The following RBFOX1 variants were observed in gnomAD, a reference collection of about 807,000 sequenced individuals.
The protein encoded by RBFOX1 is RNA binding protein fox-1 homolog 1.
RBFOX1 carries 8 observed loss-of-function variants against 57.7 expected under a neutral mutation model. The observed-to-expected ratio is 0.14, with a 90% CI of 0.08 to 0.25. The LOEUF (loss-of-function observed/expected upper bound fraction) is 0.25, where lower values mean the gene tolerates loss of function less well. Among genes scored for constraint, RBFOX1 ranks in the 10% least tolerant of loss-of-function variants. The pLI, the probability that RBFOX1 is intolerant of heterozygous loss-of-function variation, is 1.00. For synonymous variants in RBFOX1, 326 were observed against 222.4 expected, an observed-to-expected ratio of 1.47 and a Z score of -4.15; for missense variants, 611 against 548.5, an observed-to-expected ratio of 1.11 and a Z score of -1.14.
intron 4 of RBFOX1, among the ~76,000 whole-genome samples, chr16:5,963,011 G>C (rs1261305398): frequency 6.6e-6 from 1 of 152,098 alleles, no homozygotes. Flanking sequence ...AACTTAATAA[G>C]ATAGAATGGC....
At chr16:5,789,739 A>C (rs2054625294) in intron 3 of RBFOX1, among the ~76,000 whole-genome samples, 1 of 152,196 alleles carries the variant, frequency 6.6e-6, no homozygotes, top group South Asian at 2.1e-4. Context: ...ATCTGCCATA[A>C]GTTCCCAGGC....
At chr16:6,495,110 T>A (rs1471537009) in intron 2 of RBFOX1, among the ~76,000 whole-genome samples, 1 of 151,990 alleles carries the variant, frequency 6.6e-6, no homozygotes, top group Middle Eastern at 3.2e-3. Context: ...CCGCTTTCTT[T>A]TGTTTGTTTA....
intron 5 of RBFOX1, among the ~76,000 whole-genome samples, chr16:7,547,596 G>C (rs1567769334): frequency 6.6e-6 from 1 of 152,150 alleles, no homozygotes; most frequent in African/African-American, 2.4e-5. Context: ...CCACACTGCT[G>C]GCAGTGTTAG....
intron 5 of RBFOX1, among the ~76,000 whole-genome samples, chr16:7,567,651 C>CTA (rs200824101): frequency 0.22 from 13,136 of 58,974 alleles, 1,501 homozygotes; most frequent in East Asian, 0.42. Context: ...ATATATGGCC[C>CTA]TATATATATA....
intron 3 of RBFOX1, among the ~76,000 whole-genome samples, chr16:7,005,158 G>T (rs375585158): frequency 6.6e-6 from 1 of 150,898 alleles, no homozygotes; most frequent in Non-Finnish European, 1.5e-5. Flanking sequence ...AACAAAAAAC[G>T]AAAAAAAACC....
Position 7,021,074 on chromosome 16 carries a change from G to T in RBFOX1, c.-15-30983G>T, listed in dbSNP as rs377615558. 4.4e-4 allele frequency among the ~76,000 whole-genome samples: 67 copies of T among 152,262 alleles called. 1 individual carries two copies. The South Asian group carries it at 0.011, about 26-fold the overall frequency. ...ACCTGGGAGGCAGAGGCTGCAGTGA[G>T]CCCAGGTCGTGCTACTGCACTCCAG... On this transcript the variant is annotated intron_variant, in intron 3 of 15. Transcript: ENST00000550418.
chr16:7,453,632 G>A (rs1001785534), intron 4 of RBFOX1, among the ~76,000 whole-genome samples: 6 of 152,042 alleles, frequency 3.9e-5, no homozygotes, highest in Admixed American at 6.5e-5. Context: ...ATGTTAAAGC[G>A]TGTATAGAGG....
intron 1 of RBFOX1, chr16:6,039,050 A>T (rs2095407264): frequency 6.6e-6 from 1 of 151,548 alleles, no homozygotes; most frequent in Non-Finnish European, 1.5e-5. Flanking sequence ...AAAATTAAAA[A>T]TGCTGAATCC....
chr16:5,883,461 T>A (rs563662449), intron 4 of RBFOX1, among the ~76,000 whole-genome samples: 3 of 152,002 alleles, frequency 2.0e-5, no homozygotes, highest in Admixed American at 6.6e-5. Flanking sequence ...TAGCATTGCA[T>A]CTTACCATAT....
intron 3 of RBFOX1, among the ~76,000 whole-genome samples, chr16:5,668,158 A>G (rs1238740391): frequency 6.6e-6 from 1 of 152,140 alleles, no homozygotes; most frequent in East Asian, 1.9e-4. Flanking sequence ...GCATGTGCCC[A>G]TAGTCCTAGC....
chr16:6,969,772 T>C (rs2085109534), intron 3 of RBFOX1, among the ~76,000 whole-genome samples: 1 of 151,862 alleles, frequency 6.6e-6, no homozygotes. Context: ...TAACGTATCT[T>C]AATTGCTGAG....
intron 2 of RBFOX1, among the ~76,000 whole-genome samples, chr16:6,431,600 A>G (rs1308357015): frequency 6.6e-6 from 1 of 152,024 alleles, no homozygotes. Flanking sequence ...GAGTACAAAG[A>G]TGATGCTGGG....
At chr16:5,540,566 T>A (rs4482285) in intron 2 of RBFOX1, among the ~76,000 whole-genome samples, 7 of 152,002 alleles carry the variant, frequency 4.6e-5, no homozygotes, top group Non-Finnish European at 1.0e-4. Context: ...CAGTAACGGA[T>A]CTTTAGTGGT....
At chr16:6,060,156 T>C (rs2095667001) in intron 1 of RBFOX1, among the ~76,000 whole-genome samples, 1 of 108,714 alleles carries the variant, frequency 9.2e-6, no homozygotes, top group Non-Finnish European at 1.9e-5. Context: ...TTTTTTTTTT[T>C]TTACGTATAA....
intron 4 of RBFOX1, among the ~76,000 whole-genome samples, chr16:7,303,806 C>G (rs969871282): frequency 6.6e-6 from 1 of 150,796 alleles, no homozygotes; most frequent in Non-Finnish European, 1.5e-5. Flanking sequence ...CTCTCTCTTC[C>G]TCTCTCCCTC....
chr16:6,402,053 A>G lies in RBFOX1; in HGVS notation c.-64+84996A>G, dbSNP rs76190104. Among the ~76,000 whole-genome samples the G allele has an allele frequency of 4.6e-4, 70 of 151,684 alleles. 1 individual carries two copies. In the East Asian group the frequency reaches 0.012, roughly 26 times the overall value. On this transcript the variant is annotated intron_variant, in intron 2 of 15. Coordinates refer to ENST00000550418, the MANE Select transcript of RBFOX1 (RefSeq NM_018723.4). ...CCTTTGTCTAATGGTGGGGCCAGGG[A>G]GAAGGGTCAGAAGGATGAGATGACT...
At chr16:6,852,921 T>A (rs1037223441) in intron 3 of RBFOX1, among the ~76,000 whole-genome samples, 5 of 152,202 alleles carry the variant, frequency 3.3e-5, no homozygotes, top group Non-Finnish European at 7.3e-5. Flanking sequence ...GGGAACTAGC[T>A]GTCCATGCAA....
intron 1 of RBFOX1, among the ~76,000 whole-genome samples, chr16:6,095,725 C>T (rs1290429895): frequency 1.3e-5 from 2 of 151,642 alleles, no homozygotes; most frequent in East Asian, 3.9e-4. Flanking sequence ...AAAAAAAAGA[C>T]ATGGAGTTGA....
chr16:5,920,037 C>T (rs2058787493), intron 4 of RBFOX1, among the ~76,000 whole-genome samples: 1 of 152,094 alleles, frequency 6.6e-6, no homozygotes, highest in Admixed American at 6.5e-5. Context: ...GGCTTCACGT[C>T]ATTCTCCTGC....
Sources: gnomAD v4.1 joint callset for allele counts (sites outside exome capture counted in the v4.1 genomes callset) on GRCh38, gnomAD v4.1.1 for gene constraint, MANE v1.5 for transcripts, NCBI Gene and HGNC (gene_info 2026-07-23, HGNC 2026-07-21) for gene names.